Variants in ZNF354A observed in about 807,000 individuals in gnomAD.
The protein encoded by ZNF354A is zinc finger protein 354A.
A neutral mutation model predicts 53.3 loss-of-function variants in ZNF354A; 25 were observed. That is an observed-to-expected ratio of 0.47 (90% CI 0.34 to 0.66). The LOEUF (loss-of-function observed/expected upper bound fraction) is 0.66. Among genes scored for constraint, ZNF354A ranks in the 30% least tolerant of loss-of-function variants. The pLI is 0.01. For synonymous variants in ZNF354A, 228 were observed against 249.0 expected (o/e 0.92, Z 0.79); for missense variants, 586 against 716.8 (o/e 0.82, Z 2.08).
intron 4 of ZNF354A, among the ~76,000 whole-genome samples, chr5:178,721,946 C>T (rs1360098401): frequency 2.0e-5 from 3 of 148,366 alleles, no homozygotes; most frequent in Non-Finnish European, 4.5e-5. Flanking sequence ...CCTCCCTCAG[C>T]CCCCTCATCT....
intron 2 of ZNF354A, among the ~76,000 whole-genome samples, chr5:178,727,560 A>C (rs975308186): frequency 1.3e-5 from 2 of 152,256 alleles, no homozygotes; most frequent in African/African-American, 4.8e-5. Context: ...GATGGAGGTT[A>C]GGTTAAGCAA....
intron 4 of ZNF354A, among the ~76,000 whole-genome samples, chr5:178,717,295 G>A (rs1765734405): frequency 6.6e-6 from 1 of 152,038 alleles, no homozygotes; most frequent in Non-Finnish European, 1.5e-5. Flanking sequence ...TACTGAAGAA[G>A]CTACTGCAGC....
intron 4 of ZNF354A, among the ~76,000 whole-genome samples, chr5:178,718,421 C>G (rs953059273): frequency 6.6e-6 from 1 of 152,234 alleles, no homozygotes; most frequent in African/African-American, 2.4e-5. Context: ...CACCTGGACT[C>G]TCACTACACC....
chr5:178,723,294 T>C (rs1489690316), intron 4 of ZNF354A, among the ~76,000 whole-genome samples: 1 of 152,218 alleles, frequency 6.6e-6, no homozygotes, highest in Non-Finnish European at 1.5e-5. Flanking sequence ...CTGAGCCCTC[T>C]GGACCTGACA....
chr5:178,724,137 CCCTCACGAACTCA>C (rs982921656), intron 4 of ZNF354A, among the ~76,000 whole-genome samples: 6 of 152,060 alleles, frequency 3.9e-5, no homozygotes, highest in Non-Finnish European at 7.4e-5. Flanking sequence ...GCCGCCTCCT[CCCTCACGAACTCA>C]CGGCAAGTGC....
intron 4 of ZNF354A, among the ~76,000 whole-genome samples, chr5:178,720,867 A>AC (rs5873634): frequency 0.67 from 102,467 of 152,002 alleles, 35,878 homozygotes; most frequent in East Asian, 0.79. Flanking sequence ...TAGAATACCT[A>AC]CACTAATAAG....
At chr5:178,725,996 T>C (rs934180794) in intron 3 of ZNF354A, 14 of 321,896 alleles carry the variant, frequency 4.3e-5, no homozygotes, top group Non-Finnish European at 7.5e-5. Flanking sequence ...TACAGGAACA[T>C]GCCACCACGC....
At chr5:178,722,244 A>G (rs575110950) in intron 4 of ZNF354A, among the ~76,000 whole-genome samples, 2 of 152,242 alleles carry the variant, frequency 1.3e-5, no homozygotes, top group South Asian at 4.1e-4. Flanking sequence ...CATTATTTCA[A>G]TCACCCTATA....
rs372210728 is a variant in ZNF354A at position 178,712,075 on chromosome 5, G to A, written c.1803C>T (p.Ile601=). The stretch of plus-strand genomic sequence containing the variant: ...AATCTACTTTCTAGGGGTCCTCTTC[G>A]ATATGAATTTTATAATGATTAGTAA... ...SSLTNHYKIH[I]EEDP The change falls in exon 5 of 5, where the codon ATC becomes ATT. Residue 601 remains isoleucine, a synonymous_variant. Coordinates refer to ENST00000335815, the MANE Select transcript of ZNF354A (RefSeq NM_005649.3). 18 of 1,594,130 alleles carry A rather than the reference G, an allele frequency of 1.1e-5. No individual in the cohort carries two copies. Among genetic ancestry groups the A allele is most frequent in the Admixed American group, 7.0e-5 (4 of 57,106 alleles).
intron 4 of ZNF354A, among the ~76,000 whole-genome samples, chr5:178,723,822 C>T (rs1765855483): frequency 6.6e-6 from 1 of 152,008 alleles, no homozygotes; most frequent in African/African-American, 2.4e-5. Flanking sequence ...TCTCAGTCCC[C>T]CACTGCCACG....
Position 178,712,879 on chromosome 5 carries a change from C to A in ZNF354A, c.999G>T (p.Lys333Asn), listed in dbSNP as rs1288884879. ...AAAGGGATGTGCTGCAACTAGATGC[C>A]TTCCTACCCGGATTATACTTACAAG... ...ENPCKYNPGR[K>N]ASSCSTSLSG... is the part of the protein sequence containing the mutation. The change falls in exon 5 of 5, where the codon AAG (lysine) becomes AAT (asparagine). Residue 333 changes from lysine (K) to asparagine (N), a missense_variant. By Grantham distance (94) the Lys-to-Asn change is moderately conservative (BLOSUM62 0). Around this residue, in one of 2 missense-constraint regions of ZNF354A, gnomAD observed 573 missense variants for 680.1 expected, o/e 0.84. Transcript: ENST00000335815. 2 of 1,613,974 alleles carry A rather than the reference C, an allele frequency of 1.2e-6. No homozygotes were observed. Among genetic ancestry groups the A allele is most frequent in the East Asian group, 4.5e-5 (2 of 44,874 alleles).
At chr5:178,727,821 C>T (rs1765940535) in intron 2 of ZNF354A, among the ~76,000 whole-genome samples, 1 of 152,090 alleles carries the variant, frequency 6.6e-6, no homozygotes, top group Admixed American at 6.6e-5. Context: ...CACACAGACA[C>T]AGTCACTGAC....
intron 1 of ZNF354A, among the ~76,000 whole-genome samples, chr5:178,730,135 G>A (rs903457410): frequency 5.3e-5 from 8 of 152,196 alleles, no homozygotes; most frequent in Non-Finnish European, 1.2e-4. Flanking sequence ...AAAGTGCTGG[G>A]ATTACAGGCG....
chr5:178,712,035 G>C lies in ZNF354A; in HGVS notation c.*25C>G. ...ATTCTTCGATGAGCTTTGGTTTAAGGCTTTCACACATACAAATCTACTTTC... is the reference window on the plus strand; with the variant it reads ...ATTCTTCGATGAGCTTTGGTTTAAGCCTTTCACACATACAAATCTACTTTC... On this transcript the variant is annotated 3_prime_UTR_variant, in exon 5 of 5. Transcript: ENST00000335815. The C allele has an allele frequency of 6.5e-7, 1 of 1,548,700 alleles. No homozygotes were observed. Among genetic ancestry groups the C allele is most frequent in the Middle Eastern group, 1.9e-4 (1 of 5,228 alleles).
At position 178,713,055 on chromosome 5, in the gene ZNF354A, A is replaced by G. The variant is rs766238799; in HGVS notation, c.823T>C (p.Cys275Arg). The change falls in exon 5 of 5, where the codon TGT (cysteine) becomes CGT (arginine). Residue 275 changes from cysteine to arginine, a missense_variant. Physicochemically the swap from Cys to Arg is radical, Grantham distance 180. This residue lies in a region of ZNF354A where 573 missense variants were observed against 680.1 expected (regional missense o/e 0.84). Transcript: ENST00000335815. ...TGEKPYICKE[C>R]GKAFTLSTSL... The stretch of plus-strand genomic sequence containing the variant: ...GTACTGAGAGTAAAGGCTTTCCCAC[A>G]TTCTTTACATATGTAGGGTTTCTCT... 1 of 1,614,028 alleles carries G rather than the reference A, an allele frequency of 6.2e-7. No homozygotes were observed.
At chr5:178,723,953 G>A (rs1765857903) in intron 4 of ZNF354A, among the ~76,000 whole-genome samples, 1 of 151,924 alleles carries the variant, frequency 6.6e-6, no homozygotes, top group Non-Finnish European at 1.5e-5. Flanking sequence ...CCCTCACCTG[G>A]CCAGCTCCAA....
chr5:178,725,107 T>G (rs755206346), intron 4 of ZNF354A, among the ~76,000 whole-genome samples: 8 of 151,920 alleles, frequency 5.3e-5, no homozygotes, highest in Admixed American at 1.3e-4. Flanking sequence ...TCAGCCAGAG[T>G]GATTATTTGA....
intron 4 of ZNF354A, among the ~76,000 whole-genome samples, chr5:178,714,344 C>T (rs929352827): frequency 6.6e-6 from 1 of 152,066 alleles, no homozygotes; most frequent in Non-Finnish European, 1.5e-5. Context: ...CCCTCCACCC[C>T]ATGTCAAATT....
Position 178,713,531 on chromosome 5 carries a change from A to G in ZNF354A, c.347T>C (p.Val116Ala), listed in dbSNP as rs1465983267. The G allele has an allele frequency of 3.1e-6, 5 of 1,612,818 alleles. No homozygotes were observed. In the South Asian group the frequency reaches 3.3e-5, roughly 11 times the overall value. ...GLILKRSNRNVPWDLKLEKPY... is the reference protein window; with the variant it reads ...GLILKRSNRNAPWDLKLEKPY... ...CTTTTCTAATTTCAAATCCCAAGGT[A>G]CATTCCTGTTGGATCTTTTCAGTAT... The change falls in exon 5 of 5, where the codon GTA becomes GCA. Residue 116 changes from valine (V) to alanine (A), a missense_variant. By Grantham distance (64) the Val-to-Ala change is moderately conservative. Transcript: ENST00000335815.
Sources: allele counts gnomAD v4.1 joint callset (sites outside exome capture counted in the v4.1 genomes callset), GRCh38; gene constraint gnomAD v4.1.1; regional missense constraint gnomAD v4.1.1; transcripts MANE v1.5; gene names NCBI Gene and HGNC (gene_info 2026-07-23, HGNC 2026-07-21).